The following PDE4B variants were observed in gnomAD, a reference collection of about 807,000 sequenced individuals.
PDE4B encodes phosphodiesterase 4B.
In PDE4B, 20 loss-of-function variants were observed where a neutral mutation model predicts 82.2. The ratio of observed to expected loss-of-function variants is 0.24; its 90% CI spans 0.17 to 0.35. The LOEUF is 0.35. PDE4B is among the 10% of genes least tolerant of loss of function. The pLI is 1.00. For missense variants in PDE4B, 655 were observed against 907.2 expected (o/e 0.72, Z 3.57); for synonymous variants, 320 against 318.9 (o/e 1.00, Z -0.04).
chr1:66,189,831 A>G (rs558444168), intron 3 of PDE4B, among the ~76,000 whole-genome samples: 6 of 152,014 alleles, frequency 3.9e-5, no homozygotes, highest in South Asian at 4.2e-4. Context: ...TCTTCTCTCA[A>G]CTCATCAAAG....
chr1:66,338,967 C>T (rs1342702660), intron 8 of PDE4B, among the ~76,000 whole-genome samples: 1 of 145,322 alleles, frequency 6.9e-6, no homozygotes, highest in Non-Finnish European at 1.5e-5. Flanking sequence ...TGCAGTGAGC[C>T]GAGATCCCGC....
intron 1 of PDE4B, among the ~76,000 whole-genome samples, chr1:65,899,786 A>G (rs1297936305): frequency 2.0e-5 from 3 of 151,826 alleles, no homozygotes; most frequent in South Asian, 2.1e-4. Context: ...AGGAATGGAA[A>G]ACCAAACATC....
At chr1:66,249,927 C>A (rs917041535) in intron 4 of PDE4B, among the ~76,000 whole-genome samples, 3 of 152,012 alleles carry the variant, frequency 2.0e-5, no homozygotes, top group Non-Finnish European at 4.4e-5. Context: ...ATGAAAATAG[C>A]ACAAGATTTT....
At chr1:66,243,578 G>A (rs1485264940) in intron 3 of PDE4B, among the ~76,000 whole-genome samples, 1 of 152,216 alleles carries the variant, frequency 6.6e-6, no homozygotes, top group African/African-American at 2.4e-5. Context: ...GGACTGCAGT[G>A]TCAGAGAGCG....
intron 3 of PDE4B, among the ~76,000 whole-genome samples, chr1:65,921,284 A>G (rs1463548085): frequency 1.3e-5 from 2 of 152,080 alleles, no homozygotes; most frequent in Non-Finnish European, 2.9e-5. Context: ...GCATTTCTGA[A>G]CATCTCTTGA....
At chr1:66,364,481 T>C (rs1285471879) in intron 12 of PDE4B, among the ~76,000 whole-genome samples, 1 of 152,166 alleles carries the variant, frequency 6.6e-6, no homozygotes. Context: ...ATGAAAATGA[T>C]GGTCAAGTAC....
intron 3 of PDE4B, among the ~76,000 whole-genome samples, chr1:66,196,665 T>C (rs1207769271): frequency 6.6e-6 from 1 of 152,122 alleles, no homozygotes; most frequent in Non-Finnish European, 1.5e-5. Context: ...TGTAGGGACA[T>C]GGATGAAATT....
chr1:65,912,192 G>A (rs771473142), intron 1 of PDE4B, among the ~76,000 whole-genome samples: 4 of 152,142 alleles, frequency 2.6e-5, no homozygotes, highest in South Asian at 2.1e-4. Context: ...TGCAAACACC[G>A]AATTCTTTGT....
chr1:66,132,189 G>A (rs1421186929), intron 3 of PDE4B, among the ~76,000 whole-genome samples: 1 of 152,098 alleles, frequency 6.6e-6, no homozygotes, highest in Non-Finnish European at 1.5e-5. Flanking sequence ...GAGTGTCCCT[G>A]AAAAACTGAG....
chr1:66,092,499 C>T lies in PDE4B; in HGVS notation c.282-154961C>T, dbSNP rs568836302. On this transcript the variant is annotated intron_variant, in intron 3 of 16. Coordinates refer to ENST00000341517, the MANE Select transcript of PDE4B (RefSeq NM_002600.4). ...GGTTCTGTGCCAAGTGCTCAGAGTACAACTGAGAACAAAATTAAATATGAT... is the reference window on the plus strand; with the variant it reads ...GGTTCTGTGCCAAGTGCTCAGAGTATAACTGAGAACAAAATTAAATATGAT... Among the ~76,000 whole-genome samples the T allele has an allele frequency of 5.3e-5, 8 of 151,984 alleles. No individual in the cohort carries two copies. In the South Asian group the frequency reaches 1.5e-3, roughly 28 times the overall value.
intron 7 of PDE4B, among the ~76,000 whole-genome samples, chr1:66,293,962 T>C (rs1217940751): frequency 6.6e-6 from 1 of 152,158 alleles, no homozygotes; most frequent in Non-Finnish European, 1.5e-5. Flanking sequence ...TCCCAGCACT[T>C]TGGGAGGCCA....
chr1:66,235,311 T>C (rs1652322135), intron 3 of PDE4B, among the ~76,000 whole-genome samples: 1 of 152,206 alleles, frequency 6.6e-6, no homozygotes. Context: ...ATTGAGGCTA[T>C]AATTGTGTAG....
At chr1:66,149,006 G>A (rs1487655166) in intron 3 of PDE4B, among the ~76,000 whole-genome samples, 2 of 152,142 alleles carry the variant, frequency 1.3e-5, no homozygotes, top group South Asian at 2.1e-4. Context: ...GAGAGAAATC[G>A]CTAGGTCATA....
intron 3 of PDE4B, among the ~76,000 whole-genome samples, chr1:66,088,700 C>A (rs1014894343): frequency 1.3e-5 from 2 of 152,042 alleles, no homozygotes; most frequent in African/African-American, 2.4e-5. Context: ...AGAACTTGGG[C>A]TTCAGAGCCT....
At chr1:65,835,896 T>C (rs1046439244) in intron 1 of PDE4B, among the ~76,000 whole-genome samples, 1 of 152,162 alleles carries the variant, frequency 6.6e-6, no homozygotes, top group Non-Finnish European at 1.5e-5. Flanking sequence ...AAAAATCCAC[T>C]TGAGTGAAGT....
chr1:65,887,414 G>GTTT (rs34263724), intron 1 of PDE4B, among the ~76,000 whole-genome samples: 1,555 of 7,738 alleles, frequency 0.2, 597 homozygotes, highest in South Asian at 0.28. Context: ...TTTTTCTTCT[G>GTTT]TTTTTTTTTT....
intron 1 of PDE4B, among the ~76,000 whole-genome samples, chr1:65,851,356 A>G (rs1646330923): frequency 6.6e-6 from 1 of 152,052 alleles, no homozygotes; most frequent in Non-Finnish European, 1.5e-5. Flanking sequence ...TTAGAATCAT[A>G]TAATTAATAT....
At chr1:66,209,170 G>A (rs1158477020) in intron 3 of PDE4B, among the ~76,000 whole-genome samples, 4 of 152,192 alleles carry the variant, frequency 2.6e-5, no homozygotes, top group African/African-American at 7.2e-5. Flanking sequence ...ACAGCAATCT[G>A]CATGCAAGGA....
chr1:66,232,772 G>T (rs1440995704), intron 3 of PDE4B, among the ~76,000 whole-genome samples: 1 of 152,170 alleles, frequency 6.6e-6, no homozygotes, highest in Admixed American at 6.5e-5. Context: ...CAAGACGTAG[G>T]CCACTGATGA....
Sources: allele counts gnomAD v4.1 joint callset (sites outside exome capture counted in the v4.1 genomes callset), GRCh38; gene constraint gnomAD v4.1.1; transcripts MANE v1.5; gene names NCBI Gene and HGNC (gene_info 2026-07-23, HGNC 2026-07-21).